Variants in CLDN10 observed in about 807,000 individuals in gnomAD.
The protein encoded by CLDN10 is claudin-10.
In CLDN10, 15 loss-of-function variants were observed where a neutral mutation model predicts 22.9. The observed-to-expected ratio is 0.65, with a 90% confidence interval of 0.44 to 1.01. The LOEUF is 1.01. Ranked by LOEUF, CLDN10 falls within the 50% of genes least tolerant of loss-of-function variation. The pLI is 0.00. For missense variants in CLDN10, 247 were observed against 287.8 expected (o/e 0.86, Z 1.03); for synonymous variants, 114 against 111.4 (o/e 1.02, Z -0.15).
Position 95,530,015 on chromosome 13 carries a change from G to A in CLDN10, c.215-30117G>A, listed in dbSNP as rs115368159. On this transcript the variant is annotated intron_variant, in intron 1 of 4. Transcript: ENST00000376873. The stretch of plus-strand genomic sequence containing the variant: ...TATTTAAATCAAAAAAGATATTAAA[G>A]GTGAATAAATTTCACATATTAAAAC... Among the ~76,000 whole-genome samples the A allele has an allele frequency of 9.3e-3, 1,415 of 152,072 alleles. 21 individuals carry two copies. The highest frequency in any genetic ancestry group is 0.032 in the African/African-American group (1,327 of 41,466).
chr13:95,505,824 G>A (rs1291738771), intron 1 of CLDN10, among the ~76,000 whole-genome samples: 3 of 137,040 alleles, frequency 2.2e-5, no homozygotes, highest in Non-Finnish European at 4.5e-5. Context: ...GTGCAATCTC[G>A]GCTCACTGCA....
upstream of CLDN10, among the ~76,000 whole-genome samples, chr13:95,548,839 G>A (rs894864036): frequency 2.0e-5 from 3 of 152,170 alleles, no homozygotes; most frequent in Non-Finnish European, 4.4e-5. Context: ...AGGAGCTAAT[G>A]TATACTGAAA....
chr13:95,472,326 C>G (rs116066067), intron 1 of CLDN10, among the ~76,000 whole-genome samples: 2,003 of 152,132 alleles, frequency 0.013, 56 homozygotes, highest in African/African-American at 0.046. Flanking sequence ...CAAAAACCAA[C>G]AGACAAAAAA....
intron 1 of CLDN10, among the ~76,000 whole-genome samples, chr13:95,559,248 T>C (rs962145092): frequency 2.0e-5 from 3 of 152,184 alleles, no homozygotes; most frequent in Non-Finnish European, 4.4e-5. Flanking sequence ...TAAAAGCTTA[T>C]TAGTTTAAAC....
At chr13:95,504,245 A>G (rs1291343528) in intron 1 of CLDN10, among the ~76,000 whole-genome samples, 1 of 152,262 alleles carries the variant, frequency 6.6e-6, no homozygotes, top group Non-Finnish European at 1.5e-5. Context: ...ATTTATGGAC[A>G]GGAAAACAGG....
At chr13:95,518,254 T>C (rs958100346) in intron 1 of CLDN10, among the ~76,000 whole-genome samples, 1 of 152,216 alleles carries the variant, frequency 6.6e-6, no homozygotes, top group African/African-American at 2.4e-5. Flanking sequence ...TTCTTTTTTA[T>C]TATCATGTCC....
intron 1 of CLDN10, among the ~76,000 whole-genome samples, chr13:95,471,440 C>CACACATAT (rs746573300): frequency 1.9e-5 from 2 of 104,402 alleles, no homozygotes; most frequent in African/African-American, 7.9e-5. Flanking sequence ...CACACACACA[C>CACACATAT]ATATATATAT....
chr13:95,541,208 T>C (rs2043456867), intron 1 of CLDN10, among the ~76,000 whole-genome samples: 1 of 152,260 alleles, frequency 6.6e-6, no homozygotes, highest in African/African-American at 2.4e-5. Context: ...GGAACTCGTC[T>C]GCCTTTCCTT....
At chr13:95,437,225 C>T (rs1361548527) in intron 1 of CLDN10, among the ~76,000 whole-genome samples, 1 of 152,132 alleles carries the variant, frequency 6.6e-6, no homozygotes, top group Non-Finnish European at 1.5e-5. Flanking sequence ...GGGTGAGCAG[C>T]ATTTATAGCT....
intron 1 of CLDN10, among the ~76,000 whole-genome samples, chr13:95,445,972 G>C (rs1041107624): frequency 3.3e-5 from 5 of 152,122 alleles, no homozygotes; most frequent in African/African-American, 1.2e-4. Context: ...TCTAGAGGAG[G>C]GTGACTAGGA....
chr13:95,524,859 A>ATTTATT (rs2043263015), intron 1 of CLDN10, among the ~76,000 whole-genome samples: 1 of 110,650 alleles, frequency 9.0e-6, no homozygotes, highest in Non-Finnish European at 2.0e-5. Flanking sequence ...TTATTTATTT[A>ATTTATT]TTTTTATTTT....
chr13:95,473,601 C>G (rs2139105148), intron 1 of CLDN10, among the ~76,000 whole-genome samples: 1 of 152,324 alleles, frequency 6.6e-6, no homozygotes, highest in East Asian at 1.9e-4. Context: ...GTGCCTTATT[C>G]AGCTGACCTC....
chr13:95,461,464 C>G (rs1339208216), intron 1 of CLDN10, among the ~76,000 whole-genome samples: 2 of 152,150 alleles, frequency 1.3e-5, no homozygotes, highest in African/African-American at 4.8e-5. Context: ...CACTCCTGTC[C>G]TCAAGTTATT....
intron 1 of CLDN10, among the ~76,000 whole-genome samples, chr13:95,466,334 G>C (rs532908720): frequency 6.6e-6 from 1 of 152,130 alleles, no homozygotes; most frequent in East Asian, 1.9e-4. Context: ...AAAATGGATT[G>C]AGAAGTGTTT....
chr13:95,465,370 C>A (rs939353869), intron 1 of CLDN10, among the ~76,000 whole-genome samples: 4 of 152,156 alleles, frequency 2.6e-5, no homozygotes, highest in Non-Finnish European at 5.9e-5. Context: ...ACAGGTGTAC[C>A]ATGCCCCGCT....
intron 1 of CLDN10, among the ~76,000 whole-genome samples, chr13:95,459,148 C>T (rs529011082): frequency 6.6e-6 from 1 of 152,318 alleles, no homozygotes; most frequent in Non-Finnish European, 1.5e-5. Flanking sequence ...GTTCCTGTGG[C>T]ATTGCAGGGT....
intron 1 of CLDN10, among the ~76,000 whole-genome samples, chr13:95,479,005 G>A (rs896792955): frequency 1.1e-4 from 16 of 152,208 alleles, no homozygotes; most frequent in African/African-American, 3.9e-4. Context: ...AAGTGCCTGT[G>A]AGAGCAATCA....
At chr13:95,458,306 A>G (rs760954365) in intron 1 of CLDN10, among the ~76,000 whole-genome samples, 1 of 152,164 alleles carries the variant, frequency 6.6e-6, no homozygotes, top group African/African-American at 2.4e-5. Flanking sequence ...GTTTTTTGAG[A>G]CAAAGTGTTG....
chr13:95,575,613 T>C (rs2043914428), intron 3 of CLDN10, among the ~76,000 whole-genome samples: 1 of 99,026 alleles, frequency 1.0e-5, no homozygotes, highest in South Asian at 3.3e-4. Context: ...AGACTGAGGG[T>C]GTTTTTCCTC....
Sources: gnomAD v4.1 joint callset for allele counts (sites outside exome capture counted in the v4.1 genomes callset) on GRCh38, gnomAD v4.1.1 for gene constraint, MANE v1.5 for transcripts, NCBI Gene and HGNC (gene_info 2026-07-23, HGNC 2026-07-21) for gene names.